AGBL1: variants seen among roughly 807,000 people sequenced by gnomAD.
AGBL1 encodes the protein cytosolic carboxypeptidase 4.
AGBL1 carries 130 observed loss-of-function variants against 118.9 expected under a neutral mutation model. The observed-to-expected ratio is 1.09, with a 90% CI of 0.95 to 1.26. The LOEUF (loss-of-function observed/expected upper bound fraction) is 1.26, where lower values mean the gene tolerates loss of function less well. Among genes scored for constraint, AGBL1 ranks in the 50% most tolerant of loss-of-function variants. AGBL1 has a pLI of 0.00. For missense variants in AGBL1, 1,584 were observed against 1,298.1 expected, an observed-to-expected ratio of 1.22 and a Z score of -3.38; for synonymous variants, 555 against 478.9, an observed-to-expected ratio of 1.16 and a Z score of -2.08.
intron 9 of AGBL1, among the ~76,000 whole-genome samples, chr15:86,262,077 G>GTTTTTTTTTTTTTTTTT (rs1491268138): frequency 2.0e-3 from 7 of 3,480 alleles, no homozygotes; most frequent in South Asian, 0.022. Flanking sequence ...TGCATAGCTG[G>GTTTTTTTTTTTTTTTTT]CTTTTTTTTT....
chr15:86,720,514 T>A (rs747378353), intron 22 of AGBL1, among the ~76,000 whole-genome samples: 18 of 152,214 alleles, frequency 1.2e-4, no homozygotes, highest in Non-Finnish European at 1.9e-4. Flanking sequence ...TTTACTTCGC[T>A]GCCAATGGGG....
At chr15:86,942,108 C>T (rs990213876) in intron 23 of AGBL1, among the ~76,000 whole-genome samples, 3 of 152,140 alleles carry the variant, frequency 2.0e-5, no homozygotes, top group Non-Finnish European at 2.9e-5. Flanking sequence ...TTCCTTTTCT[C>T]CTTAACTGCC....
At chr15:86,168,496 G>A (rs953965421) in intron 5 of AGBL1, among the ~76,000 whole-genome samples, 6 of 151,990 alleles carry the variant, frequency 3.9e-5, no homozygotes, top group Non-Finnish European at 5.9e-5. Flanking sequence ...TTTGAAATGT[G>A]AACTAAGATT....
At chr15:86,591,251 C>T (rs1018957695) in intron 21 of AGBL1, among the ~76,000 whole-genome samples, 1 of 152,218 alleles carries the variant, frequency 6.6e-6, no homozygotes, top group South Asian at 2.1e-4. Context: ...ACACAACAAT[C>T]AATGCAATAC....
chr15:86,669,548 T>G (rs2085704652), intron 21 of AGBL1, among the ~76,000 whole-genome samples: 1 of 152,192 alleles, frequency 6.6e-6, no homozygotes. Flanking sequence ...TGAAAAATAC[T>G]AATTATCTTG....
chr15:86,189,764 CA>C (rs2077689635), intron 5 of AGBL1, among the ~76,000 whole-genome samples: 2 of 152,182 alleles, frequency 1.3e-5, no homozygotes, highest in Non-Finnish European at 2.9e-5. Flanking sequence ...TGAGCAAAAT[CA>C]ACCTCTTTTC....
chr15:86,800,021 A>G (rs1355007312), intron 22 of AGBL1, among the ~76,000 whole-genome samples: 2 of 152,126 alleles, frequency 1.3e-5, no homozygotes, highest in African/African-American at 4.8e-5. Context: ...GAGAGCGTCA[A>G]GTGGTTTTTC....
At chr15:86,494,205 T>C (rs1432631897) in intron 18 of AGBL1, among the ~76,000 whole-genome samples, 1 of 152,084 alleles carries the variant, frequency 6.6e-6, no homozygotes, top group East Asian at 1.9e-4. Context: ...ATCTACTTTA[T>C]TATGTGGTTA....
intron 21 of AGBL1, among the ~76,000 whole-genome samples, chr15:86,612,233 T>C (rs2084667111): frequency 6.6e-6 from 1 of 152,068 alleles, no homozygotes; most frequent in Non-Finnish European, 1.5e-5. Flanking sequence ...TCTTTGAATA[T>C]GCAAATAGAA....
chr15:86,567,020 T>C (rs1194430540), intron 21 of AGBL1, among the ~76,000 whole-genome samples: 3 of 152,162 alleles, frequency 2.0e-5, no homozygotes, highest in African/African-American at 7.2e-5. Flanking sequence ...CTACAAAACA[T>C]TTATCACCAT....
intron 17 of AGBL1, among the ~76,000 whole-genome samples, chr15:86,310,425 C>A (rs2141822023): frequency 6.6e-6 from 1 of 152,232 alleles, no homozygotes; most frequent in East Asian, 1.9e-4. Context: ...GATCCACAGG[C>A]AGGCTTCCTG....
In AGBL1 at chr15:86,914,504, C is replaced by T. The variant is rs74027168; in HGVS notation, c.*7210C>T. ...CCTAACTCATGCTCCCTCCACTTCC[C>T]CAGAGGAGGTGAATATGAACCATAA... is the stretch of plus-strand genomic sequence containing the variant. On this transcript the variant is annotated 3_prime_UTR_variant, in exon 23 of 23. Coordinates refer to ENST00000614907, the MANE Select transcript of AGBL1 (RefSeq NM_001386094.1). 4 of 152,088 alleles carry T rather than the reference C, an allele frequency of 2.6e-5. No individual in the cohort carries two copies. The highest frequency in any genetic ancestry group is 6.5e-5 in the Admixed American group (1 of 15,282). 9.4% of individuals were successfully genotyped at this position (152,088 alleles called of 1,614,324 possible).
chr15:86,099,540 ATT>A (rs539242604), intron 1 of AGBL1, among the ~76,000 whole-genome samples: 10 of 130,558 alleles, frequency 7.7e-5, no homozygotes, highest in Middle Eastern at 4.0e-3. Context: ...GTGGATGCCT[ATT>A]TTTTTTTTTT....
chr15:86,333,800 G>A (rs1567203873), intron 17 of AGBL1, among the ~76,000 whole-genome samples: 1 of 152,140 alleles, frequency 6.6e-6, no homozygotes, highest in African/African-American at 2.4e-5. Flanking sequence ...ATGCTAGCAA[G>A]CTGAACCCAG....
intron 22 of AGBL1, among the ~76,000 whole-genome samples, chr15:86,703,774 C>A (rs1191583665): frequency 6.6e-6 from 1 of 151,238 alleles, no homozygotes; most frequent in Non-Finnish European, 1.5e-5. Flanking sequence ...GTCTTGCTTC[C>A]CCTACACCTT....
intron 21 of AGBL1, among the ~76,000 whole-genome samples, chr15:86,601,872 C>G (rs2084499463): frequency 6.6e-6 from 1 of 152,084 alleles, no homozygotes; most frequent in Non-Finnish European, 1.5e-5. Flanking sequence ...AAATATGTGC[C>G]TAAAGTCACA....
At chr15:86,483,782 A>T (rs753922081) in intron 18 of AGBL1, among the ~76,000 whole-genome samples, 2 of 152,146 alleles carry the variant, frequency 1.3e-5, no homozygotes, top group African/African-American at 2.4e-5. Context: ...AGACACAAAC[A>T]TTTAGCTGTT....
chr15:86,857,636 A>T (rs1264401854), intron 22 of AGBL1, among the ~76,000 whole-genome samples: 1 of 152,128 alleles, frequency 6.6e-6, no homozygotes, highest in Non-Finnish European at 1.5e-5. Context: ...TCATATCATC[A>T]CAGAGAGTAG....
intron 21 of AGBL1, among the ~76,000 whole-genome samples, chr15:86,643,140 T>C (rs2085220434): frequency 6.6e-6 from 1 of 152,140 alleles, no homozygotes; most frequent in African/African-American, 2.4e-5. Context: ...ACGTTGTTCA[T>C]AAAGAGAAAG....
Sources: gnomAD v4.1 joint callset for allele counts (sites outside exome capture counted in the v4.1 genomes callset) on GRCh38, gnomAD v4.1.1 for gene constraint, MANE v1.5 for transcripts, NCBI Gene and HGNC (gene_info 2026-07-23, HGNC 2026-07-21) for gene names.